Variants in FGF12 observed in about 807,000 individuals in gnomAD.
FGF12 encodes fibroblast growth factor 12, also known as fibroblast growth factor 12B.
A neutral mutation model predicts 23.6 loss-of-function variants in FGF12; 14 were observed. The observed-to-expected ratio is 0.59, with a 90% confidence interval of 0.39 to 0.93. FGF12 has a LOEUF of 0.93. Among genes scored for constraint, FGF12 ranks in the 40% least tolerant of loss-of-function variants. The pLI is 0.00. For synonymous variants in FGF12, 62 were observed against 77.3 expected (o/e 0.80, Z 1.04); for missense variants, 175 against 217.8 (o/e 0.80, Z 1.24).
chr3:192,585,289 A>G (rs1713327672), intron 2 of FGF12, among the ~76,000 whole-genome samples: 1 of 152,194 alleles, frequency 6.6e-6, no homozygotes, highest in African/African-American at 2.4e-5. Context: ...CTTGGAAGCA[A>G]CAGGATATAA....
chr3:192,358,988 A>G (rs1326331289), intron 3 of FGF12, among the ~76,000 whole-genome samples: 1 of 152,178 alleles, frequency 6.6e-6, no homozygotes, highest in Non-Finnish European at 1.5e-5. Flanking sequence ...TCTTGCATCT[A>G]TATTTGTAGC....
At chr3:192,458,368 G>A (rs1722744240) in intron 2 of FGF12, among the ~76,000 whole-genome samples, 2 of 152,154 alleles carry the variant, frequency 1.3e-5, no homozygotes, top group Non-Finnish European at 2.9e-5. Flanking sequence ...CATGAAAGCA[G>A]CCAGGAAGGG....
At position 192,167,761 on chromosome 3, in the gene FGF12, ATATATATAAAATT is replaced by A. The variant is rs1414713117; in HGVS notation, c.427+2684_427+2696del. Among the ~76,000 whole-genome samples, 11 of 33,464 alleles carry A rather than the reference ATATATATAAAATT, an allele frequency of 3.3e-4. 1 individual carries two copies. The highest frequency in any genetic ancestry group is 9.8e-4 in the African/African-American group (7 of 7,124). 22.0% of individuals were successfully genotyped at this position (33,464 alleles called of 152,430 possible). On this transcript the variant is annotated intron_variant, in intron 5 of 5. Transcript: ENST00000445105. ...TATATATATATATATATATATATAT[ATATATATAAAATT>A]TTTTTTTTTTTTTTTTTTTGAGAAA...
chr3:192,512,589 G>A (rs915344584), intron 2 of FGF12, among the ~76,000 whole-genome samples: 8 of 151,606 alleles, frequency 5.3e-5, no homozygotes, highest in Non-Finnish European at 7.4e-5. Flanking sequence ...GGCCATGTTA[G>A]TTACACTAGA....
chr3:192,377,449 TTA>T (rs1719572884), intron 2 of FGF12, among the ~76,000 whole-genome samples: 1 of 152,216 alleles, frequency 6.6e-6, no homozygotes, highest in African/African-American at 2.4e-5. Context: ...ATTTTTGTTG[TTA>T]TATTTTCTCC....
At chr3:192,393,230 C>T (rs1720384368) in intron 2 of FGF12, among the ~76,000 whole-genome samples, 1 of 152,192 alleles carries the variant, frequency 6.6e-6, no homozygotes, top group Admixed American at 6.5e-5. Context: ...TTACCGTGTT[C>T]TACGTAAGGG....
intron 2 of FGF12, among the ~76,000 whole-genome samples, chr3:192,573,269 C>G (rs13086596): frequency 6.6e-6 from 1 of 151,792 alleles, no homozygotes; most frequent in South Asian, 2.1e-4. Flanking sequence ...AGTCAATATA[C>G]CTGTGATGGT....
At chr3:192,339,299 C>T (rs1380361248) in intron 3 of FGF12, among the ~76,000 whole-genome samples, 1 of 152,128 alleles carries the variant, frequency 6.6e-6, no homozygotes, top group African/African-American at 2.4e-5. Flanking sequence ...CTCACAGGAG[C>T]CCTTTGCTAC....
intron 2 of FGF12, among the ~76,000 whole-genome samples, chr3:192,524,069 A>T (rs75436535): frequency 1.3e-5 from 2 of 151,572 alleles, no homozygotes; most frequent in Non-Finnish European, 2.9e-5. Context: ...GAAAAAAAAA[A>T]TACAAAAAAG....
chr3:192,302,573 G>A (rs1715406733), intron 4 of FGF12, among the ~76,000 whole-genome samples: 1 of 152,156 alleles, frequency 6.6e-6, no homozygotes, highest in South Asian at 2.1e-4. Context: ...CACGGGACTA[G>A]GTCCCAGGAA....
chr3:192,311,014 T>C lies in FGF12; in HGVS notation c.228+24347A>G, dbSNP rs78868868. Among the ~76,000 whole-genome samples, 745 of 152,312 alleles carry C rather than the reference T, an allele frequency of 4.9e-3. 9 individuals are homozygous for C. Among genetic ancestry groups the C allele is most frequent in the African/African-American group, 0.017 (701 of 41,574 alleles). On this transcript the variant is annotated intron_variant, in intron 4 of 5. Coordinates refer to ENST00000445105, the MANE Select transcript of FGF12 (RefSeq NM_004113.6). ...TCTGTATTACTTTAAAAAATGTAATTCAATTAATGTGTATTGAATACATAA... is the reference window on the plus strand; with the variant it reads ...TCTGTATTACTTTAAAAAATGTAATCCAATTAATGTGTATTGAATACATAA...
rs1252904754 is a variant in FGF12, at chr3:192,409,265, AT to A, written c.14-48728del. Among the ~76,000 whole-genome samples, 1 of 152,194 alleles carries A rather than the reference AT, an allele frequency of 6.6e-6. No homozygotes were observed. The highest frequency in any genetic ancestry group is 1.5e-5 in the Non-Finnish European group (1 of 68,036). ...AATCTGGAATGACTCAGTAGTTTAA[AT>A]AAGCCCCCTCAAAAGGCAGCGATGC... On this transcript the variant is annotated intron_variant, in intron 2 of 5. Transcript: ENST00000445105. The surrounding 1 kb of genome is among the most constrained non-coding windows in gnomAD (Gnocchi z 4.8).
intron 2 of FGF12, among the ~76,000 whole-genome samples, chr3:192,381,885 G>A (rs1719829730): frequency 1.3e-5 from 2 of 152,218 alleles, no homozygotes; most frequent in African/African-American, 4.8e-5. Flanking sequence ...GAATGTTACA[G>A]AGCAAGGCGG....
chr3:192,525,821 C>G (rs1037745917), intron 2 of FGF12, among the ~76,000 whole-genome samples: 3 of 152,222 alleles, frequency 2.0e-5, no homozygotes, highest in Non-Finnish European at 4.4e-5. Flanking sequence ...TGTCGCCAGG[C>G]TGGAGTGCAG....
chr3:192,433,176 G>C (rs776114851), intron 2 of FGF12, among the ~76,000 whole-genome samples: 1 of 152,138 alleles, frequency 6.6e-6, no homozygotes, highest in Non-Finnish European at 1.5e-5. Flanking sequence ...TGGCACCCCA[G>C]TCATTGTGCT....
intron 4 of FGF12, among the ~76,000 whole-genome samples, chr3:192,240,641 G>A (rs534597247): frequency 3.3e-5 from 5 of 152,196 alleles, no homozygotes; most frequent in Non-Finnish European, 5.9e-5. Flanking sequence ...TTATCACCCA[G>A]CTGTATTCTG....
At position 192,360,689 on chromosome 3, in the gene FGF12, T is replaced by A; in HGVS notation, c.14-151A>T. The A allele has an allele frequency of 1.6e-6, 1 of 620,718 alleles. No homozygotes were observed. The highest frequency in any genetic ancestry group is 2.9e-6 in the Non-Finnish European group (1 of 346,778). 38.5% of individuals were successfully genotyped at this position (620,718 alleles called of 1,614,324 possible). On this transcript the variant is annotated intron_variant, in intron 2 of 5. Coordinates refer to ENST00000445105, the MANE Select transcript of FGF12 (RefSeq NM_004113.6). The surrounding 1 kb of genome is among the most constrained non-coding windows in gnomAD (Gnocchi z 4.3). ...GGGAGTTGGGTGTTTCAGTAACATA[T>A]CTATGCTTTTTTTTTTCCATTTAGA...
intron 2 of FGF12, among the ~76,000 whole-genome samples, chr3:192,718,394 A>G (rs951688249): frequency 6.6e-6 from 1 of 152,098 alleles, no homozygotes. Flanking sequence ...GAGAACAAGC[A>G]GCTGATCATA....
rs576272230 is a variant in FGF12, at chr3:192,300,110, C to T, written c.228+35251G>A. ...AAACATAGGGGAGCACAGGCAATCC[C>T]TTCTGCCACCCCTAGGGCATGCTCA... On this transcript the variant is annotated intron_variant, in intron 4 of 5. Transcript: ENST00000445105. Among the ~76,000 whole-genome samples, 10 of 152,322 alleles carry T rather than the reference C, an allele frequency of 6.6e-5. No individual in the cohort carries two copies. In the South Asian group the frequency reaches 2.1e-3, roughly 32 times the overall value.
Sources: allele counts gnomAD v4.1 joint callset (sites outside exome capture counted in the v4.1 genomes callset), GRCh38; gene constraint gnomAD v4.1.1; non-coding constraint Gnocchi (gnomAD v3.1); transcripts MANE v1.5; gene names NCBI Gene and HGNC (gene_info 2026-07-23, HGNC 2026-07-21).